The following LAMB1 variants were observed in gnomAD, a reference collection of about 807,000 sequenced individuals.
LAMB1 encodes laminin subunit beta 1.
In LAMB1, 121 loss-of-function variants were observed where a neutral mutation model predicts 222.3. The observed-to-expected ratio is 0.54, with a 90% CI of 0.47 to 0.63. LAMB1 has a LOEUF of 0.63. Ranked by LOEUF, LAMB1 falls within the 30% of genes least tolerant of loss-of-function variation. LAMB1 has a pLI of 0.00. For missense variants in LAMB1, 2,172 were observed against 2,240.8 expected, an observed-to-expected ratio of 0.97 and a Z score of 0.62; for synonymous variants, 794 against 807.2, an observed-to-expected ratio of 0.98 and a Z score of 0.28.
intron 14 of LAMB1, 99 bp from the exon 15 acceptor site, chr7:107,963,162 G>A: frequency 8.7e-7 from 1 of 1,149,758 alleles, no homozygotes; most frequent in Non-Finnish European, 1.2e-6. Flanking sequence ...ATTCAAAAAG[G>A]GTGGCTACCT....
chr7:107,970,736 T>A (rs555967255), intron 13 of LAMB1, among the ~76,000 whole-genome samples: 20 of 151,892 alleles, frequency 1.3e-4, no homozygotes, highest in Admixed American at 2.0e-4. Flanking sequence ...TCTTATTATT[T>A]TTTTTTTTTC....
At chr7:107,984,136 G>A (rs1242153518) in intron 7 of LAMB1, among the ~76,000 whole-genome samples, 1 of 152,152 alleles carries the variant, frequency 6.6e-6, no homozygotes, top group Non-Finnish European at 1.5e-5. Context: ...AAGAGTGTTA[G>A]TAGAGCACAT....
chr7:107,975,498 C>G lies in LAMB1; in HGVS notation c.1190-85G>C, dbSNP rs2033834506. 31 of 1,371,752 alleles carry G rather than the reference C, an allele frequency of 2.3e-5. 1 individual carries two copies. In the South Asian group the frequency reaches 4.4e-4, roughly 20 times the overall value. The allele number at this position is 1,371,752 out of a possible 1,614,324, so 85.0% of individuals were successfully genotyped here. A position where few individuals can be genotyped will look rare whatever the true frequency, so the allele number is the denominator to read the frequency against. ...AAATACATATATTCCCTTCCTCCCT[C>G]TAAATCTCACAAAAGTCGACTAAAA... On this transcript the variant is annotated intron_variant, in intron 10 of 33. Coordinates refer to ENST00000222399, the MANE Select transcript of LAMB1 (RefSeq NM_002291.3).
intron 24 of LAMB1, chr7:107,942,284 C>G (rs1050071150): frequency 3.3e-5 from 5 of 152,462 alleles, no homozygotes; most frequent in Non-Finnish European, 7.3e-5. Flanking sequence ...GCCACCGCGC[C>G]CGGCCTTCCT....
At chr7:107,959,652 A>G in intron 19 of LAMB1, 39 bp downstream of exon 19, 2 of 1,614,216 alleles carry the variant, frequency 1.2e-6, no homozygotes, top group Non-Finnish European at 1.7e-6. Context: ...GGCTGAGTTA[A>G]TCTGAATGAA....
chr7:107,985,747 T>A (rs1215135789), intron 7 of LAMB1, among the ~76,000 whole-genome samples: 1 of 151,866 alleles, frequency 6.6e-6, no homozygotes, highest in Admixed American at 6.6e-5. Context: ...CACCCGAGGT[T>A]GGGAGTTCAA....
chr7:107,946,534 G>A (rs2033119071), intron 24 of LAMB1, among the ~76,000 whole-genome samples: 1 of 152,252 alleles, frequency 6.6e-6, no homozygotes, highest in South Asian at 2.1e-4. Context: ...ACATGAACAA[G>A]TGGGTGTAAA....
intron 25 of LAMB1, among the ~76,000 whole-genome samples, chr7:107,938,608 T>C (rs1039135322): frequency 1.3e-5 from 2 of 152,192 alleles, no homozygotes; most frequent in Non-Finnish European, 2.9e-5. Context: ...GTAATCTCTC[T>C]TCTGGCAGGC....
chr7:107,929,432 TAAC>T lies in LAMB1; in HGVS notation c.4722_4724del (p.Leu1575del). 1.9e-6 allele frequency: 3 copies of T among 1,614,124 alleles called. No homozygotes were observed. The highest frequency in any genetic ancestry group is 2.2e-5 in the East Asian group (1 of 44,866). On this transcript the variant is annotated inframe_deletion, in exon 30 of 34. Coordinates refer to ENST00000222399, the MANE Select transcript of LAMB1 (RefSeq NM_002291.3). ...GATACCTTGCTCTTTTAGCTTCTTC[TAAC>T]AACATCTCAGCTCTGGCAATGTCAG... is the stretch of plus-strand genomic sequence containing the variant.
intron 24 of LAMB1, among the ~76,000 whole-genome samples, chr7:107,948,102 TCAGC>T: frequency 6.7e-6 from 1 of 149,276 alleles, no homozygotes; most frequent in Non-Finnish European, 1.5e-5. Context: ...TTCTCATGCC[TCAGC>T]CTCCCAAGTA....
rs775725670 is a variant in LAMB1, at chr7:107,959,422, C to T, written c.2517G>A (p.Gln839=). The T allele has an allele frequency of 1.9e-6, 3 of 1,614,262 alleles. No individual in the cohort carries two copies. The highest frequency in any genetic ancestry group is 1.7e-5 in the Admixed American group (1 of 60,034). Residue 839 remains glutamine (Q), a synonymous_variant, in exon 20 of 34, where the codon CAG becomes CAA. Coordinates refer to ENST00000222399, the MANE Select transcript of LAMB1 (RefSeq NM_002291.3). ...CATACACTCCCTGGAAACAGTGGCA[C>T]TGGCCAGTGACGGGATTGCAGAAGG... The part of the protein sequence containing the change: ...VNAFCNPVTG[Q]CHCFQGVYAR...
chr7:107,927,537 C>CA (rs2032594506), intron 31 of LAMB1, among the ~76,000 whole-genome samples: 1 of 152,102 alleles, frequency 6.6e-6, no homozygotes, highest in African/African-American at 2.4e-5. Flanking sequence ...ACTATAGTCT[C>CA]AAACTCTTGG....
At chr7:107,939,689 A>C (rs1032562550) in intron 25 of LAMB1, among the ~76,000 whole-genome samples, 3 of 152,160 alleles carry the variant, frequency 2.0e-5, no homozygotes, top group African/African-American at 7.2e-5. Context: ...TTGTCTTCTA[A>C]ATCCAGCATT....
At chr7:107,964,728 A>C (rs753468709) in intron 13 of LAMB1, 41 bp from the exon 14 acceptor site, 2 of 1,607,608 alleles carry the variant, frequency 1.2e-6, no homozygotes, top group Non-Finnish European at 1.7e-6. Context: ...GTTCATGGTC[A>C]CGCGAGTCAA....
chr7:108,000,198 C>CAAA (rs397938936), intron 3 of LAMB1, among the ~76,000 whole-genome samples: 1,776 of 146,776 alleles, frequency 0.012, 29 homozygotes, highest in East Asian at 0.041. Context: ...CACCAGAACT[C>CAAA]AAAAAAAAAA....
At chr7:107,996,143 C>T (rs1274811279) in intron 4 of LAMB1, among the ~76,000 whole-genome samples, 2 of 152,096 alleles carry the variant, frequency 1.3e-5, no homozygotes, top group Non-Finnish European at 2.9e-5. Context: ...TTTTAAAAAC[C>T]TACAATATTT....
chr7:107,996,995 G>T (rs73726667), intron 4 of LAMB1, among the ~76,000 whole-genome samples: 23 of 152,274 alleles, frequency 1.5e-4, no homozygotes, highest in Non-Finnish European at 2.9e-4. Context: ...ATATGCCCCC[G>T]TAAGAATGAA....
chr7:107,937,132 C>G lies in LAMB1; in HGVS notation c.3907G>C (p.Ala1303Pro), dbSNP rs2032866466. 2 of 1,613,908 alleles carry G rather than the reference C, an allele frequency of 1.2e-6. No homozygotes were observed. Among genetic ancestry groups the G allele is most frequent in the South Asian group, 2.2e-5 (2 of 90,982 alleles). ...TTTTTGATAAATTCCAGTTGTTCAG[C>G]AAGTTCTTTCACAGTGTTGTCTAGG... is the stretch of plus-strand genomic sequence containing the variant. The part of the protein sequence containing the change: ...ESLDNTVKEL[A>P]EQLEFIKNSD... The change falls in exon 26 of 34, where the codon GCT becomes CCT. Residue 1303 changes from alanine (A) to proline (P), a missense_variant. Coordinates refer to ENST00000222399, the MANE Select transcript of LAMB1 (RefSeq NM_002291.3).
intron 7 of LAMB1, among the ~76,000 whole-genome samples, chr7:107,981,781 A>G (rs986304223): frequency 3.9e-5 from 6 of 152,222 alleles, no homozygotes; most frequent in South Asian, 2.1e-4. Context: ...CATTGTTATT[A>G]TAAGATAGTT....
Sources: allele counts gnomAD v4.1 joint callset (sites outside exome capture counted in the v4.1 genomes callset), GRCh38; gene constraint gnomAD v4.1.1; transcripts MANE v1.5; gene names NCBI Gene and HGNC (gene_info 2026-07-23, HGNC 2026-07-21).